Variants in SPTLC1 observed in about 807,000 individuals in gnomAD.
SPTLC1 encodes the protein serine palmitoyltransferase long chain base subunit 1.
A neutral mutation model predicts 68.9 loss-of-function variants in SPTLC1; 55 were observed. The ratio of observed to expected loss-of-function variants is 0.80; its 90% CI spans 0.64 to 1.00. The LOEUF is 1.00. Ranked by LOEUF, SPTLC1 falls within the 50% of genes least tolerant of loss-of-function variation. The probability of loss-of-function intolerance (pLI) is 0.00; values close to 1 mark genes in which losing one functional copy is unlikely to be tolerated. For synonymous variants in SPTLC1, 197 were observed against 201.6 expected (o/e 0.98, Z 0.19); for missense variants, 449 against 573.1 (o/e 0.78, Z 2.21).
In SPTLC1 at chr9:92,079,576, T is replaced by TA; in HGVS notation, c.427+439dup. The TA allele has an allele frequency of 2.5e-6, 4 of 1,610,682 alleles. No individual in the cohort carries two copies. In the South Asian group the frequency reaches 3.3e-5, roughly 13 times the overall value. On this transcript the variant is annotated intron_variant, in intron 5 of 14. Coordinates refer to ENST00000262554, the MANE Select transcript of SPTLC1 (RefSeq NM_006415.4). ...ATCCTTCATCTTCATTCTAGAAAGATAAAAAACTACACTGTTTATCCCCCC... is the reference window on the plus strand; with the variant it reads ...ATCCTTCATCTTCATTCTAGAAAGATAAAAAAACTACACTGTTTATCCCCCC...
At chr9:92,095,846 G>T (rs1835509749) in intron 3 of SPTLC1, among the ~76,000 whole-genome samples, 1 of 152,206 alleles carries the variant, frequency 6.6e-6, no homozygotes, top group Non-Finnish European at 1.5e-5. Flanking sequence ...AGCAACGCCT[G>T]AAACATGCTC....
intron 12 of SPTLC1, among the ~76,000 whole-genome samples, chr9:92,039,414 TAC>T (rs1451656805): frequency 6.7e-6 from 1 of 148,294 alleles, no homozygotes; most frequent in African/African-American, 2.6e-5. Flanking sequence ...TATGTCATAC[TAC>T]TATTATTATT....
chr9:92,093,019 A>T (rs902464969), intron 3 of SPTLC1, among the ~76,000 whole-genome samples: 24 of 152,218 alleles, frequency 1.6e-4, no homozygotes, highest in African/African-American at 5.8e-4. Context: ...TTTAAGCCTG[A>T]ATCCTGAATT....
Position 92,090,169 on chromosome 9 carries a change from A to G in SPTLC1, c.261-9206T>C, listed in dbSNP as rs904209941. ...TAAGAAAGTGGTAAATAGGTAAAGA[A>G]GGTGATTCTCAAATATAATAATCCT... On this transcript the variant is annotated intron_variant, in intron 3 of 14. Coordinates refer to ENST00000262554, the MANE Select transcript of SPTLC1 (RefSeq NM_006415.4). Among the ~76,000 whole-genome samples, 7 of 152,360 alleles carry G rather than the reference A, an allele frequency of 4.6e-5. No homozygotes were observed. In the East Asian group the frequency reaches 1.2e-3, roughly 25 times the overall value.
intron 12 of SPTLC1, among the ~76,000 whole-genome samples, chr9:92,039,050 G>C (rs1352175855): frequency 6.6e-6 from 1 of 152,230 alleles, no homozygotes; most frequent in Non-Finnish European, 1.5e-5. Flanking sequence ...GGGAAGCTCA[G>C]GTGGGAGGAT....
chr9:92,042,793 CAA>C (rs1833395899), intron 12 of SPTLC1, among the ~76,000 whole-genome samples: 3 of 152,054 alleles, frequency 2.0e-5, no homozygotes, highest in South Asian at 2.1e-4. Context: ...CAGACAAAAT[CAA>C]AAGAGTCTGA....
intron 11 of SPTLC1, among the ~76,000 whole-genome samples, chr9:92,046,856 G>T (rs376427689): frequency 3.9e-5 from 6 of 152,148 alleles, no homozygotes; most frequent in African/African-American, 1.4e-4. Flanking sequence ...ACCAAATAAA[G>T]ACTGGCTTAT....
intron 6 of SPTLC1, among the ~76,000 whole-genome samples, chr9:92,062,658 T>C (rs1326368879): frequency 6.6e-6 from 1 of 152,192 alleles, no homozygotes; most frequent in Non-Finnish European, 1.5e-5. Flanking sequence ...AATACACTTC[T>C]AAATAATCCA....
At chr9:92,085,729 G>A (rs937783266) in intron 3 of SPTLC1, among the ~76,000 whole-genome samples, 16 of 152,100 alleles carry the variant, frequency 1.1e-4, no homozygotes, top group African/African-American at 4.8e-5. Context: ...TTGATTTGGG[G>A]TGGAGAGTTC....
rs576723834 is a variant in SPTLC1, at chr9:92,032,529, G to T, written c.1358C>A (p.Thr453Lys). Reference protein sequence around the residue: ...SIRVVVTVEQTEEELERAAST... With the variant: ...SIRVVVTVEQKEEELERAAST... ...CGCAGCTCTCTCCAGTTCTTCCTCTGTTTGTTCCACCGTGACCACAACCCG... is the reference window on the plus strand; with the variant it reads ...CGCAGCTCTCTCCAGTTCTTCCTCTTTTTGTTCCACCGTGACCACAACCCG... Residue 453 changes from threonine (T) to lysine (K), a missense_variant, in exon 15 of 15, where the codon ACA (threonine) becomes AAA (lysine). Transcript: ENST00000262554. 1.2e-6 allele frequency: 2 copies of T among 1,614,160 alleles called. No homozygotes were observed. Among genetic ancestry groups the T allele is most frequent in the East Asian group, 4.5e-5 (2 of 44,872 alleles).
chr9:92,034,240 T>C (rs1833066320), intron 14 of SPTLC1, among the ~76,000 whole-genome samples: 1 of 152,382 alleles, frequency 6.6e-6, no homozygotes, highest in African/African-American at 2.4e-5. Flanking sequence ...CCTGGCCCAG[T>C]GCTGTGGTGG....
chr9:92,068,649 A>T (rs1301015231), intron 5 of SPTLC1, among the ~76,000 whole-genome samples: 10 of 152,170 alleles, frequency 6.6e-5, no homozygotes, highest in Admixed American at 6.5e-4. Context: ...GAAGAATTCA[A>T]ATTTATAGTA....
intron 10 of SPTLC1, 68 bp downstream of exon 10, chr9:92,047,544 AT>A: frequency 9.2e-7 from 1 of 1,082,014 alleles, no homozygotes; most frequent in Non-Finnish European, 1.4e-6. Flanking sequence ...GTATTTCAAA[AT>A]TATATTTTGA....
chr9:92,100,188 G>A (rs1244417918), intron 3 of SPTLC1, among the ~76,000 whole-genome samples: 1 of 152,110 alleles, frequency 6.6e-6, no homozygotes, highest in Non-Finnish European at 1.5e-5. Context: ...GCCGAGGCGG[G>A]CAGATCACCA....
At chr9:92,114,735 C>CA (rs200895703) in intron 1 of SPTLC1, among the ~76,000 whole-genome samples, 1,345 of 110,106 alleles carry the variant, frequency 0.012, 17 homozygotes, top group South Asian at 0.035. Flanking sequence ...AACACCGTCT[C>CA]AAAAAAAAAA....
intron 12 of SPTLC1, among the ~76,000 whole-genome samples, chr9:92,042,781 AAC>A (rs1259610029): frequency 6.6e-6 from 1 of 152,234 alleles, no homozygotes; most frequent in East Asian, 1.9e-4. Context: ...CAGTGATAAA[AAC>A]AGACAAAATC....
At chr9:92,038,172 AATTT>A in intron 13 of SPTLC1, 72 bp downstream of exon 13, 1 of 1,002,418 alleles carries the variant, frequency 1.0e-6, no homozygotes, top group South Asian at 1.3e-5. Flanking sequence ...TTTTCTTAAA[AATTT>A]AACATTAAAA....
intron 3 of SPTLC1, among the ~76,000 whole-genome samples, chr9:92,090,741 G>GA (rs1173640994): frequency 6.6e-6 from 1 of 151,818 alleles, no homozygotes; most frequent in Non-Finnish European, 1.5e-5. Context: ...AAAAAGAAAT[G>GA]AAAAAATTAA....
intron 9 of SPTLC1, among the ~76,000 whole-genome samples, chr9:92,049,380 T>C (rs550189794): frequency 6.6e-6 from 1 of 152,268 alleles, no homozygotes; most frequent in South Asian, 2.1e-4. Flanking sequence ...CACTAGGCAC[T>C]GCGGGCAGTC....
Sources: gnomAD v4.1 joint callset for allele counts (sites outside exome capture counted in the v4.1 genomes callset) on GRCh38, gnomAD v4.1.1 for gene constraint, MANE v1.5 for transcripts, NCBI Gene and HGNC (gene_info 2026-07-23, HGNC 2026-07-21) for gene names.